Variants in EEIG2 observed in about 807,000 individuals in gnomAD.
EEIG2 encodes family with sequence similarity 102 member B.
the EEIG2 span, among the ~76,000 whole-genome samples, chr1:108,617,373 C>G: frequency 1.7e-4 from 26 of 152,216 alleles, no homozygotes; most frequent in East Asian, 5.0e-3. Context: ...TTTCAGTAAT[C>G]CAAGGTTTTA....
the EEIG2 span, among the ~76,000 whole-genome samples, chr1:108,601,159 G>A: frequency 6.6e-6 from 1 of 151,936 alleles, no homozygotes; most frequent in Non-Finnish European, 1.5e-5. Context: ...CTGACTCCAA[G>A]TCTGTTTTCT....
the EEIG2 span, chr1:108,624,948 A>G: frequency 1.8e-6 from 1 of 543,020 alleles, no homozygotes; most frequent in South Asian, 2.7e-5. Flanking sequence ...TAGATGTTAC[A>G]ATGACACTCT....
chr1:108,620,272 C>A, the EEIG2 span, among the ~76,000 whole-genome samples: 1 of 152,078 alleles, frequency 6.6e-6, no homozygotes, highest in Non-Finnish European at 1.5e-5. Context: ...AAGTTTAAAT[C>A]CTAGTTTTAA....
At chr1:108,622,906 A>G in the EEIG2 span, among the ~76,000 whole-genome samples, 1 of 152,048 alleles carries the variant, frequency 6.6e-6, no homozygotes, top group Non-Finnish European at 1.5e-5. Flanking sequence ...AGTTTCTGGG[A>G]AGATGTGGTT....
the EEIG2 span, among the ~76,000 whole-genome samples, chr1:108,587,913 G>A: frequency 6.6e-6 from 1 of 152,096 alleles, no homozygotes; most frequent in African/African-American, 2.4e-5. Flanking sequence ...TAAATTTTGT[G>A]AGTTTGAGTT....
At chr1:108,568,793 C>T in the EEIG2 span, among the ~76,000 whole-genome samples, 76 of 152,238 alleles carry the variant, frequency 5.0e-4, no homozygotes, top group African/African-American at 1.7e-3. Context: ...ACCCCACATC[C>T]GAATTCCAGC....
At chr1:108,586,846 C>T in the EEIG2 span, among the ~76,000 whole-genome samples, 1 of 152,194 alleles carries the variant, frequency 6.6e-6, no homozygotes, top group Non-Finnish European at 1.5e-5. Flanking sequence ...TATTATTTTC[C>T]CACACCTTTT....
the EEIG2 span, chr1:108,627,731 G>A: frequency 6.1e-6 from 1 of 163,740 alleles, no homozygotes; most frequent in Admixed American, 5.9e-5. Context: ...CTGTTGTGAT[G>A]GATTTTTAAG....
the EEIG2 span, chr1:108,560,365 C>T: frequency 7.1e-7 from 1 of 1,418,230 alleles, no homozygotes; most frequent in Non-Finnish European, 9.3e-7. Flanking sequence ...TGATCCGGGG[C>T]TCGGCCAAGC....
the EEIG2 span, among the ~76,000 whole-genome samples, chr1:108,573,726 A>G: frequency 0.042 from 6,464 of 152,356 alleles, 177 homozygotes; most frequent in Middle Eastern, 0.065. Flanking sequence ...GGACTTGAAT[A>G]GACATTTCTC....
At chr1:108,575,100 C>T in the EEIG2 span, among the ~76,000 whole-genome samples, 2 of 152,266 alleles carry the variant, frequency 1.3e-5, no homozygotes, top group Admixed American at 6.5e-5. Context: ...TGTTTAACAT[C>T]AGAGGAATTG....
At chr1:108,610,469 G>A in the EEIG2 span, among the ~76,000 whole-genome samples, 1 of 152,196 alleles carries the variant, frequency 6.6e-6, no homozygotes, top group Non-Finnish European at 1.5e-5. Context: ...AGAGAGTGAG[G>A]ATGAGAAAGC....
At chr1:108,570,324 A>G in the EEIG2 span, among the ~76,000 whole-genome samples, 1 of 152,148 alleles carries the variant, frequency 6.6e-6, no homozygotes, top group African/African-American at 2.4e-5. Flanking sequence ...CTGCTGCCAC[A>G]TAGAGGAAGG....
chr1:108,575,335 G>A, the EEIG2 span, among the ~76,000 whole-genome samples: 3 of 152,126 alleles, frequency 2.0e-5, no homozygotes, highest in Admixed American at 6.5e-5. Context: ...GAGTCTTCCC[G>A]AATTTCTCAG....
chr1:108,595,371 A>AGAGGGAAGGAGG, the EEIG2 span, among the ~76,000 whole-genome samples: 1 of 133,936 alleles, frequency 7.5e-6, no homozygotes, highest in African/African-American at 2.8e-5. Flanking sequence ...ACAGAGGGAG[A>AGAGGGAAGGAGG]GAGGGAAGGA....
chr1:108,628,334 C>T, the EEIG2 span: 26 of 1,610,268 alleles, frequency 1.6e-5, no homozygotes, highest in East Asian at 3.8e-4. Context: ...TGTGGGGGAA[C>T]GATGTCAGAT....
chr1:108,636,820 A>G, the EEIG2 span: 3 of 152,184 alleles, frequency 2.0e-5, no homozygotes, highest in African/African-American at 7.2e-5. Context: ...CGTTCATTAT[A>G]TATTATGGGA....
the EEIG2 span, among the ~76,000 whole-genome samples, chr1:108,567,357 C>T: frequency 1.3e-5 from 2 of 152,028 alleles, no homozygotes; most frequent in African/African-American, 4.8e-5. Context: ...ACGTCATTAC[C>T]ATTATTAGTG....
chr1:108,591,158 T>G, the EEIG2 span, among the ~76,000 whole-genome samples: 1 of 152,252 alleles, frequency 6.6e-6, no homozygotes, highest in Non-Finnish European at 1.5e-5. Flanking sequence ...CATTTACTAA[T>G]GTGACTTTTG....
Sources: allele counts gnomAD v4.1 joint callset (sites outside exome capture counted in the v4.1 genomes callset), GRCh38; gene constraint gnomAD v4.1.1; transcripts MANE v1.5; gene names NCBI Gene and HGNC (gene_info 2026-07-23, HGNC 2026-07-21).